The following TBC1D32 variants were observed in gnomAD, a reference collection of about 807,000 sequenced individuals.
The protein encoded by TBC1D32 is TBC1 domain family member 32.
TBC1D32 carries 151 observed loss-of-function variants against 170.3 expected under a neutral mutation model. The observed-to-expected ratio is 0.89, with a 90% CI of 0.78 to 1.01. The LOEUF (loss-of-function observed/expected upper bound fraction) is 1.01, where lower values mean the gene tolerates loss of function less well. Among genes scored for constraint, TBC1D32 ranks in the 50% least tolerant of loss-of-function variants. The pLI, the probability that TBC1D32 is intolerant of heterozygous loss-of-function variation, is 0.00. For synonymous variants in TBC1D32, 498 were observed against 488.0 expected, an observed-to-expected ratio of 1.02 and a Z score of -0.27; for missense variants, 1,464 against 1,457.1, an observed-to-expected ratio of 1.00 and a Z score of -0.08.
At chr6:121,273,957 T>A (rs1801859106) in intron 15 of TBC1D32, among the ~76,000 whole-genome samples, 1 of 152,218 alleles carries the variant, frequency 6.6e-6, no homozygotes, top group African/African-American at 2.4e-5. Context: ...GGAGTTTCTC[T>A]GAGCCTACTC....
rs1426610075 is a variant in TBC1D32, at chr6:121,205,097, G to T, written c.2548C>A (p.Gln850Lys). 1 of 1,524,746 alleles carries T rather than the reference G, an allele frequency of 6.6e-7. No homozygotes were observed. Among genetic ancestry groups the T allele is most frequent in the Admixed American group, 2.1e-5 (1 of 47,698 alleles). The allele number at this position is 1,524,746 out of a possible 1,614,324, so 94.5% of individuals were successfully genotyped here. Residue 850 changes from glutamine (Q) to lysine (K), a missense_variant, in exon 22 of 32, where the codon CAA (glutamine) becomes AAA (lysine). Coordinates refer to ENST00000398212, the MANE Select transcript of TBC1D32 (RefSeq NM_152730.6). The stretch of plus-strand genomic sequence containing the variant: ...TACCTTAGACCAAAGATATGTGATT[G>T]TTCATAGTTGAATAAAGAACGAATC... Reference protein sequence around the residue: ...AKIRSLFNYEQSHIFGLRDFI... With the variant: ...AKIRSLFNYEKSHIFGLRDFI...
Position 121,304,806 on chromosome 6 carries a change from T to G in TBC1D32, c.718A>C (p.Thr240Pro). The G allele has an allele frequency of 8.7e-6, 14 of 1,610,304 alleles. No homozygotes were observed. Among genetic ancestry groups the G allele is most frequent in the African/African-American group, 1.3e-5 (1 of 74,836 alleles). ...ATATGTAATGGAGAAAGCAAAAATG[T>G]CTGTGCACAGAATTTTAAAATCCGG... is the stretch of plus-strand genomic sequence containing the variant. ...SDRILKFCAQ[T>P]FLLSPLHMTK... Residue 240 changes from threonine to proline, a missense_variant, in exon 6 of 32, where the codon ACA (threonine) becomes CCA (proline). Physicochemically the swap from Thr to Pro is conservative, Grantham distance 38 (BLOSUM62 -1). Transcript: ENST00000398212.
chr6:121,183,597 A>G (rs72961329), intron 22 of TBC1D32, among the ~76,000 whole-genome samples: 249 of 152,240 alleles, frequency 1.6e-3, no homozygotes, highest in Admixed American at 4.2e-3. Context: ...TGTGCTACAC[A>G]TAAGTATGAT....
intron 10 of TBC1D32, among the ~76,000 whole-genome samples, chr6:121,296,075 C>T (rs976397413): frequency 6.6e-6 from 1 of 152,146 alleles, no homozygotes; most frequent in African/African-American, 2.4e-5. Context: ...AAAAACCAGG[C>T]ACTGAGTTTC....
chr6:121,249,254 T>C (rs867773818), intron 17 of TBC1D32, among the ~76,000 whole-genome samples: 15 of 151,628 alleles, frequency 9.9e-5, no homozygotes, highest in Admixed American at 5.9e-4. Flanking sequence ...AAGCATGTGA[T>C]AAAATCTAGC....
chr6:121,180,903 A>G (rs755469025), intron 22 of TBC1D32, among the ~76,000 whole-genome samples: 18 of 152,176 alleles, frequency 1.2e-4, no homozygotes, highest in Admixed American at 2.0e-4. Flanking sequence ...GATAATAATA[A>G]TAACCCAATT....
chr6:121,112,357 C>A lies in TBC1D32; in HGVS notation c.3324+148G>T, dbSNP rs943999495. On this transcript the variant is annotated intron_variant, in intron 29 of 31. Coordinates refer to ENST00000398212, the MANE Select transcript of TBC1D32 (RefSeq NM_152730.6). ...TGAGAAAATATCAAATCTATATAAT[C>A]AAAGAGAATTAGTCAAAAAACATTC... is the stretch of plus-strand genomic sequence containing the variant. The A allele has an allele frequency of 4.2e-5, 27 of 637,386 alleles. No individual in the cohort carries two copies. In the South Asian group the frequency reaches 1.0e-3, roughly 24 times the overall value. 39.5% of individuals were successfully genotyped at this position (637,386 alleles called of 1,614,324 possible). A position where few individuals can be genotyped will look rare whatever the true frequency, so the allele number is the denominator to read the frequency against.
At chr6:121,116,405 T>A (rs1779687733) in intron 26 of TBC1D32, among the ~76,000 whole-genome samples, 1 of 152,118 alleles carries the variant, frequency 6.6e-6, no homozygotes, top group Non-Finnish European at 1.5e-5. Flanking sequence ...TAAAGCCCTA[T>A]ATGAAATAGG....
At chr6:121,103,137 G>A (rs1404730937) in intron 30 of TBC1D32, among the ~76,000 whole-genome samples, 2 of 152,074 alleles carry the variant, frequency 1.3e-5, no homozygotes, top group Non-Finnish European at 2.9e-5. Flanking sequence ...CTGTTGGTGG[G>A]ACTGTAAACT....
rs192460978 is a variant in TBC1D32 at position 121,100,388 on chromosome 6, T to C, written c.3465+5635A>G. ...GGTGTGTTAAAGTCTCCCATTATTA[T>C]TGTGTGGGAGTCTCAGTCTCTTTGT... is the stretch of plus-strand genomic sequence containing the variant. On this transcript the variant is annotated intron_variant, in intron 30 of 31. Coordinates refer to ENST00000398212, the MANE Select transcript of TBC1D32 (RefSeq NM_152730.6). 1.5e-3 allele frequency among the ~76,000 whole-genome samples: 231 copies of C among 152,086 alleles called. 1 individual carries two copies. The highest frequency in any genetic ancestry group is 5.4e-3 in the African/African-American group (224 of 41,510).
At chr6:121,329,207 A>C (rs1228670819) in intron 1 of TBC1D32, among the ~76,000 whole-genome samples, 2 of 151,076 alleles carry the variant, frequency 1.3e-5, no homozygotes, top group Non-Finnish European at 2.9e-5. Context: ...ATTTCCCAAA[A>C]AAATGCAATT....
chr6:121,185,237 A>G (rs893348545), intron 22 of TBC1D32, among the ~76,000 whole-genome samples: 1 of 152,020 alleles, frequency 6.6e-6, no homozygotes, highest in Non-Finnish European at 1.5e-5. Flanking sequence ...GATACAACCT[A>G]TAAATCAGAT....
intron 21 of TBC1D32, among the ~76,000 whole-genome samples, chr6:121,206,646 G>A (rs761438135): frequency 6.6e-6 from 1 of 152,240 alleles, no homozygotes; most frequent in Non-Finnish European, 1.5e-5. Context: ...CAACATATAA[G>A]AATATATTTA....
intron 26 of TBC1D32, among the ~76,000 whole-genome samples, chr6:121,125,468 G>A (rs1348172757): frequency 6.6e-6 from 1 of 152,056 alleles, no homozygotes; most frequent in Non-Finnish European, 1.5e-5. Flanking sequence ...TCTCCTGTAG[G>A]AAGGAGGCTG....
intron 15 of TBC1D32, among the ~76,000 whole-genome samples, chr6:121,277,938 A>C (rs1229418632): frequency 1.3e-5 from 2 of 151,944 alleles, no homozygotes; most frequent in East Asian, 3.9e-4. Context: ...AGCCATCACT[A>C]CTCATTTCAA....
At position 121,303,761 on chromosome 6, in the gene TBC1D32, C is replaced by A. The variant is rs1181596375; in HGVS notation, c.936G>T (p.Lys312Asn). 1.3e-6 allele frequency: 2 copies of A among 1,516,172 alleles called. No homozygotes were observed. Among genetic ancestry groups the A allele is most frequent in the South Asian group, 1.3e-5 (1 of 74,948 alleles). 93.9% of individuals were successfully genotyped at this position (1,516,172 alleles called of 1,614,324 possible). A position where few individuals can be genotyped will look rare whatever the true frequency, so the allele number is the denominator to read the frequency against. ...TACTCTCCACAATTTCTTCCATATA[C>A]CTTAAAGTTTGGGAAAAAAGAAATA... ...APSFWIRHPE[K>N]YMEEIVESTL... is the part of the protein sequence containing the mutation. Residue 312 changes from lysine to asparagine, a missense_variant and splice_region_variant, in exon 9 of 32, where the codon AAG becomes AAT. By Grantham distance (94) the Lys-to-Asn change is moderately conservative. Around this residue, in one of 3 missense-constraint regions of TBC1D32, gnomAD observed 1,363 missense variants for 1,338.1 expected, o/e 1.02. Transcript: ENST00000398212.
At chr6:121,105,515 G>A (rs144489102) in intron 30 of TBC1D32, among the ~76,000 whole-genome samples, 217 of 151,994 alleles carry the variant, frequency 1.4e-3, no homozygotes, top group Non-Finnish European at 2.6e-3. Context: ...ACGAAGGACT[G>A]GCTATACACA....
chr6:121,226,894 G>C (rs1202149008), intron 20 of TBC1D32, among the ~76,000 whole-genome samples: 2 of 149,664 alleles, frequency 1.3e-5, no homozygotes, highest in Admixed American at 1.3e-4. Flanking sequence ...ATGTACAACT[G>C]TAAGACCATT....
chr6:121,334,247 T>C (rs200988924), intron 1 of TBC1D32, 29 bp downstream of exon 1: 267 of 1,598,424 alleles, frequency 1.7e-4, no homozygotes, highest in Middle Eastern at 1.5e-3. Flanking sequence ...CGATGGTTTA[T>C]AGGCTTAAAA....
Sources: gnomAD v4.1 joint callset for allele counts (sites outside exome capture counted in the v4.1 genomes callset) on GRCh38, gnomAD v4.1.1 for gene constraint, gnomAD v4.1.1 regional missense constraint, MANE v1.5 for transcripts, NCBI Gene and HGNC (gene_info 2026-07-23, HGNC 2026-07-21) for gene names.